Variants in GPC5 observed in about 807,000 individuals in gnomAD.
The protein encoded by GPC5 is glypican-5.
In GPC5, 47 loss-of-function variants were observed where a neutral mutation model predicts 53.9. The ratio of observed to expected loss-of-function variants is 0.87; its 90% CI spans 0.69 to 1.11. The LOEUF (loss-of-function observed/expected upper bound fraction) is 1.11, where lower values mean the gene tolerates loss of function less well. Among genes scored for constraint, GPC5 ranks in the 50% most tolerant of loss-of-function variants. The pLI is 0.00. For missense variants in GPC5, 748 were observed against 713.1 expected (o/e 1.05, Z -0.56); for synonymous variants, 286 against 263.3 (o/e 1.09, Z -0.84).
chr13:92,070,295 A>T (rs1330096030), intron 6 of GPC5, among the ~76,000 whole-genome samples: 1 of 152,248 alleles, frequency 6.6e-6, no homozygotes, highest in African/African-American at 2.4e-5. Flanking sequence ...CCAATAAAAA[A>T]TGCAAGAGTG....
intron 7 of GPC5, among the ~76,000 whole-genome samples, chr13:92,180,011 G>A (rs1389915570): frequency 6.6e-6 from 1 of 152,206 alleles, no homozygotes; most frequent in African/African-American, 2.4e-5. Context: ...TCACAAGACA[G>A]GCACAATGGA....
intron 7 of GPC5, among the ~76,000 whole-genome samples, chr13:92,611,024 C>A (rs1843597793): frequency 6.8e-6 from 1 of 146,764 alleles, no homozygotes; most frequent in South Asian, 2.2e-4. Context: ...TGATCAACTA[C>A]AATATGTCCT....
chr13:92,514,578 A>G (rs1441503330), intron 7 of GPC5, among the ~76,000 whole-genome samples: 1 of 152,188 alleles, frequency 6.6e-6, no homozygotes, highest in Non-Finnish European at 1.5e-5. Context: ...AGGCACATAA[A>G]GGCAAATACA....
chr13:91,659,122 G>C (rs1232216389), intron 2 of GPC5, among the ~76,000 whole-genome samples: 1 of 152,074 alleles, frequency 6.6e-6, no homozygotes, highest in Non-Finnish European at 1.5e-5. Flanking sequence ...GATTCAATCT[G>C]TCAATCACAA....
chr13:91,935,508 C>G (rs538806376), intron 6 of GPC5, among the ~76,000 whole-genome samples: 1 of 151,972 alleles, frequency 6.6e-6, no homozygotes, highest in Non-Finnish European at 1.5e-5. Flanking sequence ...CTGCTGGTAC[C>G]TTGAGTTTGG....
At chr13:92,734,570 A>G (rs886375426) in intron 7 of GPC5, among the ~76,000 whole-genome samples, 5 of 151,926 alleles carry the variant, frequency 3.3e-5, no homozygotes, top group Admixed American at 2.6e-4. Flanking sequence ...TATTTGCAGA[A>G]GTATATTTCA....
chr13:91,689,184 AATATATATATATATAT>A (rs1169911890), intron 2 of GPC5, among the ~76,000 whole-genome samples: 533 of 49,594 alleles, frequency 0.011, 8 homozygotes, highest in Middle Eastern at 0.026. Context: ...ATCATATATA[AATATATATATATATAT>A]ATATATATAT....
At chr13:92,299,627 C>A (rs1291893284) in intron 7 of GPC5, among the ~76,000 whole-genome samples, 1 of 152,044 alleles carries the variant, frequency 6.6e-6, no homozygotes, top group South Asian at 2.1e-4. Flanking sequence ...GAAGATTTAT[C>A]TTTTTTCAGA....
intron 2 of GPC5, among the ~76,000 whole-genome samples, chr13:91,512,859 T>C (rs1266973994): frequency 6.6e-6 from 1 of 152,250 alleles, no homozygotes; most frequent in Non-Finnish European, 1.5e-5. Context: ...TTCTGTGATG[T>C]GTGTTTTAAT....
chr13:92,451,206 T>C (rs918406172), intron 7 of GPC5, among the ~76,000 whole-genome samples: 2 of 152,212 alleles, frequency 1.3e-5, no homozygotes, highest in Admixed American at 1.3e-4. Context: ...TGTTCTTTAG[T>C]GGTAGGCAGG....
At chr13:91,708,566 T>C (rs2036158296) in intron 3 of GPC5, among the ~76,000 whole-genome samples, 1 of 152,126 alleles carries the variant, frequency 6.6e-6, no homozygotes, top group East Asian at 1.9e-4. Flanking sequence ...TGGGTTTTTT[T>C]GGAGGGGGTA....
At chr13:91,788,494 A>G (rs1018501227) in intron 5 of GPC5, among the ~76,000 whole-genome samples, 5 of 152,218 alleles carry the variant, frequency 3.3e-5, no homozygotes, top group Non-Finnish European at 5.9e-5. Flanking sequence ...TATTTTTTCA[A>G]TGTAGCTAAT....
chr13:91,969,877 G>T (rs904665690), intron 6 of GPC5, among the ~76,000 whole-genome samples: 1 of 152,162 alleles, frequency 6.6e-6, no homozygotes, highest in Non-Finnish European at 1.5e-5. Context: ...ACAAGTGTTG[G>T]TGAGGATATG....
chr13:92,300,834 GC>G (rs1326273965), intron 7 of GPC5, among the ~76,000 whole-genome samples: 2 of 152,180 alleles, frequency 1.3e-5, no homozygotes, highest in Non-Finnish European at 2.9e-5. Flanking sequence ...ATGTAGGGAT[GC>G]AAAATGTGAG....
At chr13:92,345,827 A>T (rs779081407) in intron 7 of GPC5, among the ~76,000 whole-genome samples, 13 of 152,088 alleles carry the variant, frequency 8.5e-5, no homozygotes, top group Non-Finnish European at 1.3e-4. Flanking sequence ...GCATACCTAA[A>T]CTGCCTGAGG....
intron 7 of GPC5, among the ~76,000 whole-genome samples, chr13:92,864,025 T>C (rs1044675745): frequency 1.3e-5 from 2 of 152,220 alleles, no homozygotes; most frequent in African/African-American, 4.8e-5. Context: ...TTTTCTTTTA[T>C]AGGTCTTTAT....
At chr13:92,392,447 A>T (rs943387460) in intron 7 of GPC5, among the ~76,000 whole-genome samples, 3 of 152,042 alleles carry the variant, frequency 2.0e-5, no homozygotes, top group African/African-American at 7.2e-5. Context: ...ACTATAAAAA[A>T]CCCTAGAAGA....
chr13:92,100,511 G>A (rs1290474655), intron 6 of GPC5, among the ~76,000 whole-genome samples: 2 of 152,100 alleles, frequency 1.3e-5, no homozygotes, highest in African/African-American at 2.4e-5. Context: ...TGTTAAAATC[G>A]AAACTAAAAA....
intron 2 of GPC5, among the ~76,000 whole-genome samples, chr13:91,612,113 A>C (rs1400839475): frequency 2.6e-5 from 4 of 152,236 alleles, no homozygotes; most frequent in Admixed American, 2.6e-4. Flanking sequence ...GAAACTTGCC[A>C]TTTCTGTCAT....
Sources: allele counts gnomAD v4.1 joint callset (sites outside exome capture counted in the v4.1 genomes callset), GRCh38; gene constraint gnomAD v4.1.1; transcripts MANE v1.5; gene names NCBI Gene and HGNC (gene_info 2026-07-23, HGNC 2026-07-21).